The following WSCD2 variants were observed in gnomAD, a reference collection of about 807,000 sequenced individuals.
The protein encoded by WSCD2 is sialate:O-sulfotransferase 2.
A neutral mutation model predicts 55.7 loss-of-function variants in WSCD2; 28 were observed. The ratio of observed to expected loss-of-function variants is 0.50; its 90% confidence interval spans 0.37 to 0.69. The LOEUF is 0.69. Among genes scored for constraint, WSCD2 ranks in the 30% least tolerant of loss-of-function variants. The pLI is 0.00. For synonymous variants in WSCD2, 301 were observed against 301.9 expected (o/e 1.00, Z 0.03); for missense variants, 616 against 762.1 (o/e 0.81, Z 2.26).
intron 7 of WSCD2, among the ~76,000 whole-genome samples, chr12:108,233,609 T>C (rs776870338): frequency 1.3e-5 from 2 of 152,218 alleles, no homozygotes; most frequent in African/African-American, 4.8e-5. Flanking sequence ...AAATGAAAAC[T>C]GAGGCTTGGA....
At chr12:108,138,434 T>G (rs538973661) in intron 1 of WSCD2, among the ~76,000 whole-genome samples, 12 of 152,322 alleles carry the variant, frequency 7.9e-5, no homozygotes, top group African/African-American at 2.9e-4. Context: ...CTCGGTAGCT[T>G]ATAGGCTGTG....
At chr12:108,224,951 C>A in intron 5 of WSCD2, 91 bp downstream of exon 5, 5 of 1,531,092 alleles carry the variant, frequency 3.3e-6, no homozygotes, top group Non-Finnish European at 3.5e-6. Context: ...GAAGCAACAG[C>A]TCAGTCGGGA....
intron 1 of WSCD2, among the ~76,000 whole-genome samples, chr12:108,181,340 A>G (rs937100504): frequency 6.6e-6 from 1 of 152,162 alleles, no homozygotes; most frequent in Non-Finnish European, 1.5e-5. Flanking sequence ...TCATGACAGC[A>G]AAGACCTATT....
chr12:108,204,916 G>A (rs1885139084), intron 2 of WSCD2, among the ~76,000 whole-genome samples: 1 of 152,228 alleles, frequency 6.6e-6, no homozygotes. Flanking sequence ...CCAAAGAAGT[G>A]ATTAAGTGGC....
In WSCD2 at chr12:108,165,601, A is replaced by G. The variant is rs188775533; in HGVS notation, c.-551-29681A>G. Among the ~76,000 whole-genome samples the G allele has an allele frequency of 2.1e-3, 322 of 152,282 alleles. 1 individual carries two copies. The highest frequency in any genetic ancestry group is 7.1e-3 in the African/African-American group (294 of 41,552). ...TACCAAGGTTACATGTTCTTTCTAT[A>G]TGGGACCCTCCCATTTGCTGAGTTG... On this transcript the variant is annotated intron_variant, in intron 1 of 8. Coordinates refer to ENST00000547525, the MANE Select transcript of WSCD2 (RefSeq NM_014653.4).
intron 1 of WSCD2, among the ~76,000 whole-genome samples, 178 bp from the exon 2 acceptor site, chr12:108,195,104 T>C (rs977829185): frequency 3.3e-5 from 5 of 152,202 alleles, no homozygotes; most frequent in African/African-American, 1.2e-4. Flanking sequence ...AAAAAGGCAG[T>C]GTTCTAGAAG....
At chr12:108,215,135 C>T (rs1886678363) in intron 4 of WSCD2, among the ~76,000 whole-genome samples, 1 of 152,238 alleles carries the variant, frequency 6.6e-6, no homozygotes, top group Admixed American at 6.5e-5. Flanking sequence ...GAGCTCTTCT[C>T]TGTAGGGCCA....
At chr12:108,244,555 G>A (rs371292395) in intron 8 of WSCD2, 142 of 702,788 alleles carry the variant, frequency 2.0e-4, no homozygotes, top group African/African-American at 4.4e-4. Context: ...ATCTTATTTC[G>A]CTCGATTTGC....
At chr12:108,240,299 T>C (rs1359148311) in intron 7 of WSCD2, 45 bp from the exon 8 acceptor site, 1 of 1,606,624 alleles carries the variant, frequency 6.2e-7, no homozygotes, top group Non-Finnish European at 8.5e-7. Flanking sequence ...GGCTTCTTGC[T>C]TCCCCAGCTC....
At chr12:108,194,475 T>A (rs1486847460) in intron 1 of WSCD2, among the ~76,000 whole-genome samples, 1 of 152,144 alleles carries the variant, frequency 6.6e-6, no homozygotes, top group Admixed American at 6.6e-5. Context: ...CTGTCCTGGG[T>A]CCAGATCCCA....
intron 1 of WSCD2, among the ~76,000 whole-genome samples, chr12:108,154,909 T>C (rs563581196): frequency 6.6e-6 from 1 of 152,342 alleles, no homozygotes; most frequent in Non-Finnish European, 1.5e-5. Flanking sequence ...TTAAAATAAT[T>C]ACATAACTAT....
At chr12:108,144,117 G>T (rs933085443) in intron 1 of WSCD2, among the ~76,000 whole-genome samples, 5 of 152,000 alleles carry the variant, frequency 3.3e-5, no homozygotes, top group Admixed American at 6.5e-5. Context: ...CCTAGGGCAG[G>T]CTAGATGAGT....
intron 8 of WSCD2, among the ~76,000 whole-genome samples, chr12:108,243,704 G>A (rs963560688): frequency 1.3e-5 from 2 of 152,168 alleles, no homozygotes; most frequent in Admixed American, 6.5e-5. Context: ...AGGCTTCCTG[G>A]ATCAGAATCT....
At chr12:108,179,906 G>T (rs1881448031) in intron 1 of WSCD2, among the ~76,000 whole-genome samples, 1 of 152,100 alleles carries the variant, frequency 6.6e-6, no homozygotes, top group Admixed American at 6.5e-5. Flanking sequence ...AGCTGGGCGT[G>T]GTGGCAGGTG....
At chr12:108,216,400 T>C (rs151296567) in intron 4 of WSCD2, among the ~76,000 whole-genome samples, 1 of 152,332 alleles carries the variant, frequency 6.6e-6, no homozygotes, top group East Asian at 1.9e-4. Context: ...GTTTGATCAT[T>C]AGGAAGATGC....
chr12:108,129,387 G>A lies in WSCD2; in HGVS notation c.-1091G>A, dbSNP rs1875239160. On this transcript the variant is annotated 5_prime_UTR_variant, in exon 1 of 9. Transcript: ENST00000547525. The stretch of plus-strand genomic sequence containing the variant: ...GCAAGGCAGCCAAGGAGGCAGCGGC[G>A]AGGCAGCGAGAGAGAGCCAGGCGGC... 1 of 151,916 alleles carries A rather than the reference G, an allele frequency of 6.6e-6. No individual in the cohort carries two copies. Among genetic ancestry groups the A allele is most frequent in the Non-Finnish European group, 1.5e-5 (1 of 67,868 alleles). The allele number at this position is 151,916 out of a possible 1,614,324, so 9.4% of individuals were successfully genotyped here. A position where few individuals can be genotyped will look rare whatever the true frequency, so the allele number is the denominator to read the frequency against.
At chr12:108,199,623 G>A (rs1884404249) in intron 2 of WSCD2, among the ~76,000 whole-genome samples, 1 of 152,204 alleles carries the variant, frequency 6.6e-6, no homozygotes, top group African/African-American at 2.4e-5. Flanking sequence ...ATTACATAAG[G>A]TCAATTCAGC....
At chr12:108,187,509 C>T (rs1408622549) in intron 1 of WSCD2, among the ~76,000 whole-genome samples, 7 of 152,242 alleles carry the variant, frequency 4.6e-5, no homozygotes, top group African/African-American at 1.7e-4. Context: ...CCTGTTCCAC[C>T]ACTTGCTAGC....
chr12:108,186,296 C>G (rs994286684), intron 1 of WSCD2, among the ~76,000 whole-genome samples: 7 of 152,168 alleles, frequency 4.6e-5, no homozygotes, highest in Admixed American at 6.5e-5. Context: ...ACAGCCTCCC[C>G]CTCCATCAAC....
Sources: gnomAD v4.1 joint callset for allele counts (sites outside exome capture counted in the v4.1 genomes callset) on GRCh38, gnomAD v4.1.1 for gene constraint, MANE v1.5 for transcripts, NCBI Gene and HGNC (gene_info 2026-07-23, HGNC 2026-07-21) for gene names.